Variants in SENP6 observed in about 807,000 individuals in gnomAD.
The protein encoded by SENP6 is sentrin-specific protease 6.
Under a neutral mutation model 134.5 loss-of-function variants are expected in SENP6, and 41 were observed. That is an observed-to-expected ratio of 0.30 (90% CI 0.24 to 0.40). The LOEUF (loss-of-function observed/expected upper bound fraction) is 0.40. Ranked by LOEUF, SENP6 falls within the 10% of genes least tolerant of loss-of-function variation. The pLI is 1.00. For missense variants in SENP6, 1,248 were observed against 1,312.5 expected, an observed-to-expected ratio of 0.95 and a Z score of 0.76; for synonymous variants, 395 against 429.8, an observed-to-expected ratio of 0.92 and a Z score of 1.00.
At chr6:75,659,137 TAAATA>T (rs1284184329) in intron 7 of SENP6, 120 bp from the exon 8 acceptor site, 32 of 700,100 alleles carry the variant, frequency 4.6e-5, no homozygotes, top group Middle Eastern at 7.0e-4. Flanking sequence ...GAGTGAAAAA[TAAATA>T]AGAGAAGAGT....
At chr6:75,650,856 A>G (rs1270107984) in intron 7 of SENP6, among the ~76,000 whole-genome samples, 1 of 152,342 alleles carries the variant, frequency 6.6e-6, no homozygotes, top group East Asian at 1.9e-4. Context: ...AATTACTTGC[A>G]TAACACTTAG....
intron 16 of SENP6, among the ~76,000 whole-genome samples, chr6:75,684,543 A>G (rs1413014177): frequency 6.6e-6 from 1 of 152,170 alleles, no homozygotes; most frequent in Non-Finnish European, 1.5e-5. Flanking sequence ...TTTGTCATAA[A>G]TAGCTCTTAT....
At chr6:75,659,218 A>G (rs986132930) in intron 7 of SENP6, 44 bp from the exon 8 acceptor site, 20 of 1,461,014 alleles carry the variant, frequency 1.4e-5, no homozygotes, top group Non-Finnish European at 1.7e-5. Context: ...ACACTAGCTT[A>G]TTTTAACTAA....
At chr6:75,633,804 C>T in intron 4 of SENP6, 78 bp downstream of exon 4, 2 of 1,262,020 alleles carry the variant, frequency 1.6e-6, no homozygotes, top group Non-Finnish European at 2.2e-6. Flanking sequence ...AGCTAATAGG[C>T]CCAACCTGTA....
intron 10 of SENP6, 52 bp downstream of exon 10, chr6:75,666,993 G>A (rs1264351122): frequency 1.5e-6 from 2 of 1,314,648 alleles, no homozygotes; most frequent in South Asian, 1.4e-5. Context: ...CCATTTTGGG[G>A]TGTAAATTTT....
Position 75,704,458 on chromosome 6 carries a change from A to T in SENP6, c.2716+1386A>T, listed in dbSNP as rs1359701107. On this transcript the variant is annotated intron_variant, in intron 19 of 23. Transcript: ENST00000447266. ...AAACATCTCAGTGGAGTAAAGAATA[A>T]CAAAGGAGCATTGCTGCCAACATGT... 2.0e-5 allele frequency among the ~76,000 whole-genome samples: 3 copies of T among 152,368 alleles called. No homozygotes were observed. In the East Asian group the frequency reaches 5.8e-4, roughly 29 times the overall value.
chr6:75,603,226 T>C (rs956430337), intron 1 of SENP6, among the ~76,000 whole-genome samples: 1 of 152,206 alleles, frequency 6.6e-6, no homozygotes, highest in African/African-American at 2.4e-5. Flanking sequence ...TACTCACTCG[T>C]GAGGGAAAGT....
At chr6:75,665,676 G>A (rs1328387202) in intron 9 of SENP6, among the ~76,000 whole-genome samples, 1 of 152,166 alleles carries the variant, frequency 6.6e-6, no homozygotes, top group Non-Finnish European at 1.5e-5. Context: ...TAAGGCACTG[G>A]TCCAGATTTT....
intron 7 of SENP6, among the ~76,000 whole-genome samples, chr6:75,655,660 T>C (rs184151837): frequency 9.0e-4 from 137 of 152,168 alleles, no homozygotes; most frequent in African/African-American, 3.2e-3. Flanking sequence ...CATTGCATTG[T>C]ATGAGTATAA....
chr6:75,646,215 C>A (rs113056140), intron 6 of SENP6, among the ~76,000 whole-genome samples: 2,829 of 152,234 alleles, frequency 0.019, 39 homozygotes, highest in Non-Finnish European at 0.029. Flanking sequence ...TACCTTCTTT[C>A]TTATAAGACT....
At chr6:75,629,294 T>C (rs897986585) in intron 3 of SENP6, among the ~76,000 whole-genome samples, 3 of 152,100 alleles carry the variant, frequency 2.0e-5, no homozygotes, top group Admixed American at 6.5e-5. Context: ...TACAGCCTTT[T>C]TTTATTTTTT....
chr6:75,710,856 A>C (rs904195015), intron 20 of SENP6, among the ~76,000 whole-genome samples: 18 of 152,214 alleles, frequency 1.2e-4, no homozygotes, highest in Non-Finnish European at 5.9e-5. Flanking sequence ...AGTGAGATGG[A>C]TAAGTGGGTT....
In SENP6 at chr6:75,614,279, TG is replaced by T. The variant is rs1437612635; in HGVS notation, c.53-7252del. Among the ~76,000 whole-genome samples the T allele has an allele frequency of 3.5e-4, 53 of 151,068 alleles. 1 individual carries two copies. In the South Asian group the frequency reaches 7.2e-3, roughly 20 times the overall value. On this transcript the variant is annotated intron_variant, in intron 1 of 23. Coordinates refer to ENST00000447266, the MANE Select transcript of SENP6 (RefSeq NM_015571.4). ...TACTATCTTTTTTTTTTTTTTTTTTTGTTTGAGACAGAGTCTGGCTCTGTCA... is the reference window on the plus strand; with the variant it reads ...TACTATCTTTTTTTTTTTTTTTTTTTTTTGAGACAGAGTCTGGCTCTGTCA...
At chr6:75,623,538 T>C (rs1176684426) in intron 2 of SENP6, among the ~76,000 whole-genome samples, 1 of 152,116 alleles carries the variant, frequency 6.6e-6, no homozygotes, top group East Asian at 1.9e-4. Flanking sequence ...TAATTTTCAA[T>C]CTAAGACAAA....
At chr6:75,615,996 CCGAATGTTTAT>C (rs1193712981) in intron 1 of SENP6, among the ~76,000 whole-genome samples, 1 of 152,170 alleles carries the variant, frequency 6.6e-6, no homozygotes, top group African/African-American at 2.4e-5. Flanking sequence ...TATTCATCCA[CCGAATGTTTAT>C]CTTTTTTCAC....
At chr6:75,677,746 T>C (rs1773191992) in intron 14 of SENP6, 1 of 153,376 alleles carries the variant, frequency 6.5e-6, no homozygotes, top group Middle Eastern at 3.2e-3. Flanking sequence ...ACTATTCATA[T>C]AGGTAGGTAA....
intron 9 of SENP6, 75 bp downstream of exon 9, chr6:75,663,593 C>A: frequency 9.6e-7 from 1 of 1,040,916 alleles, no homozygotes; most frequent in Non-Finnish European, 1.4e-6. Context: ...AACCACTCTC[C>A]CCAACCCCAT....
At chr6:75,702,218 C>CT (rs200531593) in intron 18 of SENP6, among the ~76,000 whole-genome samples, 27,681 of 133,318 alleles carry the variant, frequency 0.21, 3,961 homozygotes, top group African/African-American at 0.41. Flanking sequence ...AAAAAATAGG[C>CT]TTTTTTTTTT....
intron 6 of SENP6, among the ~76,000 whole-genome samples, chr6:75,643,812 T>C (rs968883700): frequency 6.6e-6 from 1 of 152,228 alleles, no homozygotes; most frequent in Non-Finnish European, 1.5e-5. Context: ...ATAATGAATT[T>C]TAACTGTAAA....
Sources: allele counts gnomAD v4.1 joint callset (sites outside exome capture counted in the v4.1 genomes callset), GRCh38; gene constraint gnomAD v4.1.1; transcripts MANE v1.5; gene names NCBI Gene and HGNC (gene_info 2026-07-23, HGNC 2026-07-21).